SYT14: variants seen among roughly 807,000 people sequenced by gnomAD.
SYT14 encodes the protein synaptotagmin 14, also known as synaptotagmin-14.
Under a neutral mutation model 74.2 loss-of-function variants are expected in SYT14, and 32 were observed. The ratio of observed to expected loss-of-function variants is 0.43; its 90% CI spans 0.33 to 0.58. SYT14 has a LOEUF of 0.58. Among genes scored for constraint, SYT14 ranks in the 20% least tolerant of loss-of-function variants. The pLI, the probability that SYT14 is intolerant of heterozygous loss-of-function variation, is 0.05. For missense variants in SYT14, 791 were observed against 981.8 expected (o/e 0.81, Z 2.60); for synonymous variants, 298 against 337.7 (o/e 0.88, Z 1.29).
chr1:210,096,711 C>T (rs1213446626), intron 6 of SYT14, among the ~76,000 whole-genome samples: 5 of 152,206 alleles, frequency 3.3e-5, no homozygotes, highest in African/African-American at 1.2e-4. Flanking sequence ...AGCTTGTCAA[C>T]CTACTAGGCA....
At chr1:209,979,725 T>G (rs1210237562) in intron 2 of SYT14, among the ~76,000 whole-genome samples, 1 of 152,136 alleles carries the variant, frequency 6.6e-6, no homozygotes, top group African/African-American at 2.4e-5. Context: ...TGTTCCTGGG[T>G]TTGTTTGCTG....
At chr1:210,024,153 G>T (rs1363013721) in intron 5 of SYT14, among the ~76,000 whole-genome samples, 2 of 152,192 alleles carry the variant, frequency 1.3e-5, no homozygotes, top group Non-Finnish European at 2.9e-5. Context: ...AGTGCCCCCT[G>T]ACTAGGAAGA....
intron 4 of SYT14, among the ~76,000 whole-genome samples, chr1:210,020,534 T>C (rs2080279787): frequency 6.6e-6 from 1 of 152,200 alleles, no homozygotes; most frequent in Admixed American, 6.5e-5. Context: ...TGCTGTATTT[T>C]ACTGCTAGCA....
At chr1:210,169,598 C>T (rs1034244838) in exon 10 of SYT14, 1 of 151,780 alleles carries the variant, frequency 6.6e-6, no homozygotes, top group Admixed American at 6.6e-5. Flanking sequence ...ATTGAAATTG[C>T]TTTTTTGTGG....
At position 209,959,334 on chromosome 1, in the gene SYT14, GGGT is replaced by G. The variant is rs1442875103; in HGVS notation, c.-486+6579_-486+6581del. Among the ~76,000 whole-genome samples the G allele has an allele frequency of 1.3e-4, 20 of 151,982 alleles. 1 individual carries two copies. The East Asian group carries it at 3.9e-3, about 29-fold the overall frequency. On this transcript the variant is annotated intron_variant, in intron 2 of 9. Coordinates refer to ENST00000637265, the Ensembl canonical transcript of SYT14. ...ATTTTTTGTATTTTTAGTAGAGATG[GGGT>G]TTCACCACATTGGCCAGGCTGGTCT...
In SYT14 at chr1:210,109,014, G is replaced by A. The variant is rs183849940; in HGVS notation, c.2034+8553G>A. Among the ~76,000 whole-genome samples the A allele has an allele frequency of 1.9e-3, 287 of 152,204 alleles. 1 individual carries two copies. The highest frequency in any genetic ancestry group is 6.5e-3 in the African/African-American group (269 of 41,542). ...AGAGGGATAATTTTCAAGAGGGCTAGGTTCTTAGATAGGCTGAGTGGACAC... is the reference window on the plus strand; with the variant it reads ...AGAGGGATAATTTTCAAGAGGGCTAAGTTCTTAGATAGGCTGAGTGGACAC... On this transcript the variant is annotated intron_variant, in intron 7 of 9. Coordinates refer to ENST00000637265, the Ensembl canonical transcript of SYT14.
At chr1:210,009,803 CTT>C (rs933233296) in intron 2 of SYT14, among the ~76,000 whole-genome samples, 1 of 152,156 alleles carries the variant, frequency 6.6e-6, no homozygotes, top group Non-Finnish European at 1.5e-5. Flanking sequence ...TCTCCTTCTA[CTT>C]TCCTCTTTCC....
At chr1:210,155,884 A>G in exon 8 of SYT14, 1 of 1,614,134 alleles carries the variant, frequency 6.2e-7, no homozygotes, top group Non-Finnish European at 8.5e-7. Context: ...AGCCACTTCA[A>G]AAATTTGGCA....
intron 5 of SYT14, among the ~76,000 whole-genome samples, chr1:210,033,113 T>A (rs2080579278): frequency 6.6e-6 from 1 of 151,890 alleles, no homozygotes; most frequent in Admixed American, 6.6e-5. Flanking sequence ...CAGAAGAACA[T>A]GTCCTGTCTG....
intron 2 of SYT14, chr1:209,953,195 G>A (rs1269546642): frequency 1.6e-6 from 2 of 1,287,572 alleles, no homozygotes; most frequent in African/African-American, 1.5e-5. Flanking sequence ...ACCAACAACT[G>A]TCTATGCTTC....
chr1:209,966,476 C>T (rs2079160245), intron 2 of SYT14, among the ~76,000 whole-genome samples: 1 of 152,078 alleles, frequency 6.6e-6, no homozygotes, highest in Admixed American at 6.6e-5. Context: ...GATCCATGAA[C>T]CTAGTGTATA....
intron 1 of SYT14, among the ~76,000 whole-genome samples, chr1:209,951,739 A>G (rs900535992): frequency 6.6e-6 from 1 of 152,220 alleles, no homozygotes; most frequent in African/African-American, 2.4e-5. Flanking sequence ...AAATTTATGC[A>G]TATGTATGCA....
At chr1:209,993,069 G>T (rs1198133528) in intron 2 of SYT14, among the ~76,000 whole-genome samples, 2 of 152,204 alleles carry the variant, frequency 1.3e-5, no homozygotes, top group Non-Finnish European at 2.9e-5. Context: ...GCTGGGGATA[G>T]GCAGAGACTA....
chr1:210,072,217 T>C (rs2081409256), intron 5 of SYT14, among the ~76,000 whole-genome samples: 1 of 151,672 alleles, frequency 6.6e-6, no homozygotes, highest in African/African-American at 2.4e-5. Flanking sequence ...GATGCCTTGA[T>C]TCCTGCCATG....
chr1:209,942,561 G>A (rs577112839), intron 1 of SYT14, among the ~76,000 whole-genome samples: 9 of 151,910 alleles, frequency 5.9e-5, no homozygotes, highest in South Asian at 4.2e-4. Flanking sequence ...TGCCCTTATC[G>A]CTCATTAAGA....
intron 2 of SYT14, among the ~76,000 whole-genome samples, chr1:209,971,252 G>A (rs1298972596): frequency 6.6e-6 from 1 of 152,134 alleles, no homozygotes; most frequent in Non-Finnish European, 1.5e-5. Context: ...AAACTTTACT[G>A]AAGTCGTTTA....
At chr1:210,012,990 C>T (rs1363214424) in intron 2 of SYT14, among the ~76,000 whole-genome samples, 1 of 152,086 alleles carries the variant, frequency 6.6e-6, no homozygotes, top group East Asian at 1.9e-4. Context: ...GCATGAGCCA[C>T]CACGCCTGGC....
At chr1:209,944,775 A>G (rs1198927422) in intron 1 of SYT14, among the ~76,000 whole-genome samples, 3 of 152,034 alleles carry the variant, frequency 2.0e-5, no homozygotes, top group Non-Finnish European at 4.4e-5. Flanking sequence ...TTTTTTAAAG[A>G]AAAAATTCAA....
intron 7 of SYT14, among the ~76,000 whole-genome samples, chr1:210,147,907 C>T (rs371661379): frequency 7.2e-5 from 11 of 152,040 alleles, no homozygotes; most frequent in Admixed American, 1.3e-4. Context: ...ACACTGCAAG[C>T]GGATGGAGCA....
Sources: allele counts gnomAD v4.1 joint callset (sites outside exome capture counted in the v4.1 genomes callset), GRCh38; gene constraint gnomAD v4.1.1; transcripts MANE v1.5; gene names NCBI Gene and HGNC (gene_info 2026-07-23, HGNC 2026-07-21).